The following DOCK1 variants were observed in gnomAD, a reference collection of about 807,000 sequenced individuals.
DOCK1 encodes the protein dedicator of cytokinesis protein 1.
DOCK1 carries 138 observed loss-of-function variants against 262.7 expected under a neutral mutation model. The ratio of observed to expected loss-of-function variants is 0.53; its 90% CI spans 0.46 to 0.61. DOCK1 has a LOEUF of 0.61. Ranked by LOEUF, DOCK1 falls within the 20% of genes least tolerant of loss-of-function variation. DOCK1 has a pLI of 0.00. For synonymous variants in DOCK1, 866 were observed against 867.4 expected, an observed-to-expected ratio of 1.00 and a Z score of 0.03; for missense variants, 1,908 against 2,370.7, an observed-to-expected ratio of 0.80 and a Z score of 4.05.
chr10:127,403,989 A>G (rs952284459), intron 39 of DOCK1, among the ~76,000 whole-genome samples: 2 of 152,096 alleles, frequency 1.3e-5, no homozygotes, highest in African/African-American at 4.8e-5. Context: ...TCTGACCTAT[A>G]CCTTTTAAAA....
At chr10:127,449,092 A>G (rs964922390) in intron 51 of DOCK1, among the ~76,000 whole-genome samples, 1 of 152,192 alleles carries the variant, frequency 6.6e-6, no homozygotes, top group Non-Finnish European at 1.5e-5. Flanking sequence ...TCGATGGGGA[A>G]CCGGTCCTGG....
At chr10:127,174,664 G>A (rs2133880624) in intron 27 of DOCK1, among the ~76,000 whole-genome samples, 1 of 152,282 alleles carries the variant, frequency 6.6e-6, no homozygotes, top group East Asian at 1.9e-4. Context: ...GCTTCTTTGG[G>A]TTCCAGGTAC....
At chr10:127,009,141 A>G (rs975678328) in intron 11 of DOCK1, among the ~76,000 whole-genome samples, 9 of 152,232 alleles carry the variant, frequency 5.9e-5, no homozygotes, top group Admixed American at 2.0e-4. Context: ...TCAAAGCACA[A>G]TACTTCCAAA....
intron 33 of DOCK1, among the ~76,000 whole-genome samples, chr10:127,362,882 T>TCCCCACACACACATACACATGCACGTCC (rs2064601462): frequency 5.5e-4 from 2 of 3,616 alleles, no homozygotes; most frequent in South Asian, 8.9e-3. Context: ...CACATACACA[T>TCCCCACACACACATACACATGCACGTCC]CCCCACACAC....
intron 27 of DOCK1, among the ~76,000 whole-genome samples, chr10:127,197,836 T>C (rs944920432): frequency 6.6e-6 from 1 of 152,184 alleles, no homozygotes; most frequent in African/African-American, 2.4e-5. Flanking sequence ...TAAATGACTT[T>C]ATACGAAATA....
rs531893265 is a variant in DOCK1 at position 127,134,578 on chromosome 10, A to C, written c.2847+6814A>C. Among the ~76,000 whole-genome samples the C allele has an allele frequency of 3.3e-5, 5 of 152,222 alleles. No homozygotes were observed. The South Asian group carries it at 1.0e-3, about 32-fold the overall frequency. On this transcript the variant is annotated intron_variant, in intron 27 of 51. Transcript: ENST00000623213. The stretch of plus-strand genomic sequence containing the variant: ...GTAGAGTGACTGGTGGGCACCCTTC[A>C]TTGTATCTGGGTGTCTGTAGAACAG...
At chr10:127,429,819 G>A (rs1205300218) in intron 47 of DOCK1, among the ~76,000 whole-genome samples, 1 of 149,558 alleles carries the variant, frequency 6.7e-6, no homozygotes. Context: ...CCGGCCCACA[G>A]CGCCACGTTC....
intron 26 of DOCK1, among the ~76,000 whole-genome samples, chr10:127,126,943 C>G (rs1055305694): frequency 7.2e-5 from 11 of 152,164 alleles, no homozygotes; most frequent in African/African-American, 2.7e-4. Flanking sequence ...ATGCTGGAAA[C>G]CTCACCTCTT....
chr10:127,014,381 G>A (rs2041703715), intron 12 of DOCK1, among the ~76,000 whole-genome samples: 1 of 152,148 alleles, frequency 6.6e-6, no homozygotes, highest in Non-Finnish European at 1.5e-5. Flanking sequence ...TTAAAACACA[G>A]CATAATCAGG....
intron 23 of DOCK1, among the ~76,000 whole-genome samples, chr10:127,067,500 G>A (rs1358837690): frequency 6.6e-6 from 1 of 152,014 alleles, no homozygotes; most frequent in African/African-American, 2.4e-5. Flanking sequence ...ATGTGTGTGA[G>A]TGTGTCTGTG....
chr10:127,229,676 A>C (rs2058769021), intron 27 of DOCK1, among the ~76,000 whole-genome samples: 1 of 152,198 alleles, frequency 6.6e-6, no homozygotes, highest in Admixed American at 6.5e-5. Flanking sequence ...ATTGTGAATA[A>C]CGCTACAGTG....
intron 19 of DOCK1, among the ~76,000 whole-genome samples, chr10:127,040,964 G>A (rs1170466617): frequency 6.6e-6 from 1 of 151,962 alleles, no homozygotes; most frequent in Non-Finnish European, 1.5e-5. Flanking sequence ...TGTCTCGATG[G>A]ATTTACCTGT....
chr10:127,347,257 G>C (rs926612774), intron 31 of DOCK1, among the ~76,000 whole-genome samples: 1 of 152,248 alleles, frequency 6.6e-6, no homozygotes, highest in Non-Finnish European at 1.5e-5. Context: ...GTCGGGCCAT[G>C]GTCCCGGTGC....
chr10:127,273,535 G>A (rs977316996), intron 29 of DOCK1, among the ~76,000 whole-genome samples: 4 of 152,268 alleles, frequency 2.6e-5, no homozygotes, highest in Non-Finnish European at 4.4e-5. Context: ...TAAGTAAATG[G>A]CCATCTCATT....
intron 9 of DOCK1, among the ~76,000 whole-genome samples, chr10:126,999,926 C>T (rs1480281630): frequency 4.6e-5 from 7 of 152,198 alleles, no homozygotes; most frequent in African/African-American, 1.7e-4. Flanking sequence ...CCACCCTCCT[C>T]GGCCTTCCAA....
chr10:127,190,538 A>AATTTCCTC (rs2307870), intron 27 of DOCK1, among the ~76,000 whole-genome samples: 90,881 of 151,226 alleles, frequency 0.6, 27,552 homozygotes, highest in East Asian at 0.85. Context: ...CGCTTCATCC[A>AATTTCCTC]ATTTCCTCCT....
chr10:127,383,368 A>G (rs2065923405), intron 37 of DOCK1, among the ~76,000 whole-genome samples: 1 of 152,192 alleles, frequency 6.6e-6, no homozygotes. Context: ...AATTTATTTT[A>G]TTGTGGTTAC....
intron 45 of DOCK1, among the ~76,000 whole-genome samples, chr10:127,418,764 C>T (rs2068316008): frequency 6.6e-6 from 1 of 152,240 alleles, no homozygotes; most frequent in South Asian, 2.1e-4. Flanking sequence ...CCCAGACAGC[C>T]AGGAAGCCCC....
In DOCK1 at chr10:127,210,953, A is replaced by G. The variant is rs151335309; in HGVS notation, c.2848-37055A>G. ...CTTGGTATAGGACCCATGATATTTT[A>G]TTATATTTTGTTTAGCATTTTGTTG... On this transcript the variant is annotated intron_variant, in intron 27 of 51. Coordinates refer to ENST00000623213, the MANE Select transcript of DOCK1 (RefSeq NM_001290223.2). 7.3e-3 allele frequency among the ~76,000 whole-genome samples: 1,116 copies of G among 152,196 alleles called. 10 individuals carry two copies. Among genetic ancestry groups the G allele is most frequent in the Non-Finnish European group, 0.012 (839 of 67,984 alleles).
Sources: allele counts gnomAD v4.1 joint callset (sites outside exome capture counted in the v4.1 genomes callset), GRCh38; gene constraint gnomAD v4.1.1; transcripts MANE v1.5; gene names NCBI Gene and HGNC (gene_info 2026-07-23, HGNC 2026-07-21).